Variants in SLFN12L observed in about 807,000 individuals in gnomAD.
The protein encoded by SLFN12L is schlafen family member 12-like.
SLFN12L carries 34 observed loss-of-function variants against 34.8 expected under a neutral mutation model. The ratio of observed to expected loss-of-function variants is 0.98; its 90% CI spans 0.74 to 1.30. The LOEUF is 1.30. SLFN12L is among the 50% of genes most tolerant of loss of function. The pLI is 0.00. For synonymous variants in SLFN12L, 259 were observed against 247.5 expected (o/e 1.05, Z -0.44); for missense variants, 703 against 696.2 (o/e 1.01, Z -0.11).
intron 1 of SLFN12L, among the ~76,000 whole-genome samples, chr17:35,530,287 C>A: frequency 6.8e-6 from 1 of 146,190 alleles, no homozygotes; most frequent in African/African-American, 2.5e-5. Context: ...GCGGAGGTTG[C>A]AGTGAGCCAA....
At chr17:35,476,210 A>G (rs1046390947) in intron 4 of SLFN12L, among the ~76,000 whole-genome samples, 11 of 152,130 alleles carry the variant, frequency 7.2e-5, no homozygotes, top group Admixed American at 4.6e-4. Flanking sequence ...ACAAAATCCC[A>G]GAGAAGATGA....
At chr17:35,525,603 C>T (rs1450512289) in intron 1 of SLFN12L, among the ~76,000 whole-genome samples, 1 of 152,142 alleles carries the variant, frequency 6.6e-6, no homozygotes, top group African/African-American at 2.4e-5. Flanking sequence ...TCATATCCAG[C>T]CAAACAAAGT....
intron 1 of SLFN12L, among the ~76,000 whole-genome samples, chr17:35,533,757 C>T (rs540842185): frequency 6.6e-6 from 1 of 152,138 alleles, no homozygotes; most frequent in Non-Finnish European, 1.5e-5. Flanking sequence ...TGGTAAGCCA[C>T]TTTAAGGGTT....
At chr17:35,491,250 C>CA (rs1914825997) in intron 2 of SLFN12L, 5 of 1,054,980 alleles carry the variant, frequency 4.7e-6, no homozygotes, top group Non-Finnish European at 6.9e-6. Context: ...GATTATGCTT[C>CA]ATGTGAACTC....
intron 2 of SLFN12L, among the ~76,000 whole-genome samples, chr17:35,510,579 G>A (rs1390516836): frequency 1.3e-5 from 2 of 152,182 alleles, no homozygotes; most frequent in East Asian, 3.8e-4. Context: ...GAGAGGAGAC[G>A]TTGCCAGGGG....
intron 2 of SLFN12L, among the ~76,000 whole-genome samples, chr17:35,496,534 C>G (rs984335913): frequency 6.6e-6 from 1 of 150,618 alleles, no homozygotes; most frequent in Non-Finnish European, 1.5e-5. Flanking sequence ...TCCGGCCCCT[C>G]CTTTCCCTTC....
chr17:35,506,563 TGAG>T (rs1915470890), intron 2 of SLFN12L, among the ~76,000 whole-genome samples: 1 of 152,162 alleles, frequency 6.6e-6, no homozygotes, highest in Non-Finnish European at 1.5e-5. Flanking sequence ...TATCGTGGTT[TGAG>T]GAGAAGTTTA....
In SLFN12L at chr17:35,469,726, G is replaced by A. The variant is rs1001152741; in HGVS notation, c.*5197C>T. Among the ~76,000 whole-genome samples, 12 of 151,846 alleles carry A rather than the reference G, an allele frequency of 7.9e-5. No individual in the cohort carries two copies. The highest frequency in any genetic ancestry group is 2.7e-4 in the African/African-American group (11 of 41,300). ...AATGGCCAACATTCTTTACATCCCC[G>A]CTGTGACCCAGAGCTCATACTCTAA... On this transcript the variant is annotated 3_prime_UTR_variant, in exon 5 of 5. Transcript: ENST00000628453.
chr17:35,496,995 G>C (rs1322366805), intron 2 of SLFN12L, among the ~76,000 whole-genome samples: 1 of 152,224 alleles, frequency 6.6e-6, no homozygotes, highest in Non-Finnish European at 1.5e-5. Context: ...GGCTGGGCAC[G>C]GTGGCTCACG....
chr17:35,500,925 T>C (rs1368871982), intron 2 of SLFN12L, among the ~76,000 whole-genome samples: 2 of 152,196 alleles, frequency 1.3e-5, no homozygotes, highest in Non-Finnish European at 2.9e-5. Context: ...CCCTTGGAGT[T>C]GTAAGCCCTT....
intron 2 of SLFN12L, chr17:35,499,098 C>A: frequency 1.2e-6 from 1 of 835,530 alleles, no homozygotes; most frequent in Non-Finnish European, 2.0e-6. Flanking sequence ...TTGGAGCTTA[C>A]AATCCAGGAA....
chr17:35,514,774 C>T (rs80063592), intron 2 of SLFN12L: 1 of 393,882 alleles, frequency 2.5e-6, no homozygotes, highest in Non-Finnish European at 4.9e-6. Context: ...TCTCATTCCA[C>T]ATCGTCTTTG....
In SLFN12L at chr17:35,479,974, G is replaced by A. The variant is rs1283396894; in HGVS notation, c.308C>T (p.Ala103Val). 3.1e-6 allele frequency: 5 copies of A among 1,614,134 alleles called. No individual in the cohort carries two copies. Among genetic ancestry groups the A allele is most frequent in the Non-Finnish European group, 4.2e-6 (5 of 1,180,026 alleles). Residue 103 changes from alanine (A) to valine (V), a missense_variant, in exon 3 of 5, where the codon GCT becomes GTT. Transcript: ENST00000628453. ...ACTATAGCCTTTATTCTCAACTTCAGCCTTGATCACTCCCCCTCCAGAATT... is the reference window on the plus strand; with the variant it reads ...ACTATAGCCTTTATTCTCAACTTCAACCTTGATCACTCCCCCTCCAGAATT... ...LLNSGGGVIK[A>V]EVENKGYSYK...
At chr17:35,521,237 G>A (rs1915986432) in intron 2 of SLFN12L, among the ~76,000 whole-genome samples, 1 of 152,100 alleles carries the variant, frequency 6.6e-6, no homozygotes, top group Non-Finnish European at 1.5e-5. Context: ...CATCCTGGAT[G>A]GGATCCTGGA....
intron 2 of SLFN12L, among the ~76,000 whole-genome samples, chr17:35,521,949 C>A (rs1469448369): frequency 6.6e-6 from 1 of 151,778 alleles, no homozygotes; most frequent in Non-Finnish European, 1.5e-5. Context: ...AAGGGAACAT[C>A]ACACACACCG....
chr17:35,492,766 T>C (rs1412773210), intron 2 of SLFN12L, among the ~76,000 whole-genome samples: 3 of 152,114 alleles, frequency 2.0e-5, no homozygotes, highest in African/African-American at 7.2e-5. Flanking sequence ...AGTGGTCATC[T>C]CCCACTGGGA....
At chr17:35,529,001 AAAAC>A (rs1446174984) in intron 1 of SLFN12L, among the ~76,000 whole-genome samples, 1 of 152,216 alleles carries the variant, frequency 6.6e-6, no homozygotes, top group African/African-American at 2.4e-5. Flanking sequence ...TCACAAGAAA[AAAAC>A]AAACAACCCC....
intron 3 of SLFN12L, 130 bp downstream of exon 3, chr17:35,478,987 T>C: frequency 1.5e-6 from 1 of 657,304 alleles, no homozygotes; most frequent in East Asian, 2.8e-5. Context: ...GGCAGGGAAG[T>C]ATTGGTTGTA....
chr17:35,527,417 AT>A (rs985431325), intron 1 of SLFN12L, among the ~76,000 whole-genome samples: 4 of 151,874 alleles, frequency 2.6e-5, no homozygotes, highest in East Asian at 1.9e-4. Context: ...AAAAAAGAAA[AT>A]TTTTTTTGAT....
Sources: allele counts gnomAD v4.1 joint callset (sites outside exome capture counted in the v4.1 genomes callset), GRCh38; gene constraint gnomAD v4.1.1; transcripts MANE v1.5; gene names NCBI Gene and HGNC (gene_info 2026-07-23, HGNC 2026-07-21).